The following TRIM2 variants were observed in gnomAD, a reference collection of about 807,000 sequenced individuals.
The protein encoded by TRIM2 is tripartite motif containing 2.
Under a neutral mutation model 75.2 loss-of-function variants are expected in TRIM2, and 20 were observed. The observed-to-expected ratio is 0.27, with a 90% CI of 0.19 to 0.39. TRIM2 has a LOEUF of 0.39. Among genes scored for constraint, TRIM2 ranks in the 10% least tolerant of loss-of-function variants. TRIM2 has a pLI of 1.00. For synonymous variants in TRIM2, 373 were observed against 388.3 expected (o/e 0.96, Z 0.46); for missense variants, 660 against 990.8 (o/e 0.67, Z 4.48).
intron 11 of TRIM2, among the ~76,000 whole-genome samples, chr4:153,331,579 T>C (rs1348612402): frequency 1.3e-5 from 2 of 152,106 alleles, no homozygotes; most frequent in African/African-American, 2.4e-5. Flanking sequence ...TTCAAATTAA[T>C]ATACAGGTTT....
intron 1 of TRIM2, among the ~76,000 whole-genome samples, chr4:153,165,377 C>A (rs941344387): frequency 1.3e-5 from 2 of 152,190 alleles, no homozygotes; most frequent in Non-Finnish European, 2.9e-5. Context: ...GTTGCCCAGG[C>A]TGGAGTGTAG....
rs77453932 is a variant in TRIM2, at chr4:153,264,514, G to A, written c.31-5821G>A. On this transcript the variant is annotated intron_variant, in intron 1 of 11. Transcript: ENST00000338700. ...GTGCACTGACTTCCACTGGTTATGT[G>A]GGTAAGAAGGGTCTCTGACAATTTA... Among the ~76,000 whole-genome samples the A allele has an allele frequency of 5.2e-3, 776 of 150,614 alleles. 5 individuals are homozygous for A. The highest frequency in any genetic ancestry group is 0.018 in the African/African-American group (733 of 41,494).
At chr4:153,152,416 A>ATATATGTATATATATATATG (rs1553955550), upstream of TRIM2, 2 of 145,956 alleles carry the variant, frequency 1.4e-5, no homozygotes, top group African/African-American at 5.0e-5. Context: ...GTGTATATAT[A>ATATATGTATATATATATATG]TATATATATA....
At chr4:153,271,972 G>T (rs988750475) in intron 2 of TRIM2, among the ~76,000 whole-genome samples, 1 of 152,106 alleles carries the variant, frequency 6.6e-6, no homozygotes, top group Non-Finnish European at 1.5e-5. Flanking sequence ...CACTCTGGCT[G>T]CCCTAGGTCT....
intron 1 of TRIM2, among the ~76,000 whole-genome samples, chr4:153,175,710 A>G (rs1383427500): frequency 6.6e-6 from 1 of 152,204 alleles, no homozygotes. Context: ...TATCTGAGAC[A>G]TGACAATTAA....
At chr4:153,241,336 G>A (rs1288458682) in intron 1 of TRIM2, among the ~76,000 whole-genome samples, 10 of 152,162 alleles carry the variant, frequency 6.6e-5, no homozygotes, top group South Asian at 2.1e-4. Context: ...CTTCCTCATC[G>A]CACATTGTTG....
At chr4:153,199,123 CG>C (rs1734061768) in intron 1 of TRIM2, among the ~76,000 whole-genome samples, 1 of 152,102 alleles carries the variant, frequency 6.6e-6, no homozygotes. Context: ...AAATAGGCCC[CG>C]GGGATATGTG....
intron 2 of TRIM2, among the ~76,000 whole-genome samples, chr4:153,273,783 A>C (rs1757434840): frequency 1.3e-5 from 2 of 152,194 alleles, no homozygotes; most frequent in South Asian, 4.1e-4. Context: ...GTATACAGGA[A>C]ACAATATAAT....
intron 1 of TRIM2, among the ~76,000 whole-genome samples, chr4:153,244,174 CTTCTT>C (rs1560872449): frequency 6.1e-5 from 9 of 147,658 alleles, no homozygotes; most frequent in African/African-American, 2.1e-4. Flanking sequence ...TCTTCTTCTT[CTTCTT>C]CTCCTCCTTC....
chr4:153,166,497 C>T (rs1350983607), intron 1 of TRIM2, among the ~76,000 whole-genome samples: 1 of 150,912 alleles, frequency 6.6e-6, no homozygotes, highest in Admixed American at 6.6e-5. Context: ...CCTTCCTTCC[C>T]TCCCTCCCTC....
intron 1 of TRIM2, among the ~76,000 whole-genome samples, chr4:153,179,470 T>C (rs1262275291): frequency 6.6e-6 from 1 of 152,126 alleles, no homozygotes; most frequent in East Asian, 1.9e-4. Context: ...CCCCAACTTT[T>C]TTCCTCTGTT....
chr4:153,299,813 C>A (rs2150162463), intron 6 of TRIM2, among the ~76,000 whole-genome samples: 1 of 152,286 alleles, frequency 6.6e-6, no homozygotes, highest in South Asian at 2.1e-4. Context: ...AAACTACTCA[C>A]CCCACCACTC....
At chr4:153,152,410 A>G (rs1488121947), upstream of TRIM2, 19 of 20,548 alleles carry the variant, frequency 9.2e-4, no homozygotes, top group Middle Eastern at 0.017. Context: ...ATATGTGTGT[A>G]TATATATATA....
At chr4:153,237,206 T>A (rs1037653800) in intron 1 of TRIM2, among the ~76,000 whole-genome samples, 16 of 152,198 alleles carry the variant, frequency 1.1e-4, no homozygotes, top group African/African-American at 3.9e-4. Flanking sequence ...TTCTTCTACA[T>A]GCAATTGGAG....
intron 1 of TRIM2, among the ~76,000 whole-genome samples, chr4:153,173,462 G>C (rs1429287590): frequency 6.6e-6 from 1 of 151,524 alleles, no homozygotes; most frequent in African/African-American, 2.4e-5. Context: ...AGGAGTTTGA[G>C]ACCAGCCTGG....
chr4:153,192,745 G>A (rs1304958316), intron 1 of TRIM2, among the ~76,000 whole-genome samples: 5 of 152,040 alleles, frequency 3.3e-5, no homozygotes, highest in South Asian at 4.1e-4. Context: ...AGGAGTCCCC[G>A]GGCCTTTGCA....
intron 1 of TRIM2, among the ~76,000 whole-genome samples, chr4:153,226,969 G>A (rs79599459): frequency 6.6e-6 from 1 of 152,172 alleles, no homozygotes; most frequent in African/African-American, 2.4e-5. Flanking sequence ...AAGTACAATA[G>A]CCTAAAAGGC....
chr4:153,324,172 G>A, intron 10 of TRIM2, 24 bp downstream of exon 10: 3 of 1,597,652 alleles, frequency 1.9e-6, no homozygotes, highest in South Asian at 2.3e-5. Context: ...ATGAGTTGTT[G>A]TTAACTTTTA....
At chr4:153,322,095 G>C (rs987003566) in intron 8 of TRIM2, among the ~76,000 whole-genome samples, 2 of 152,078 alleles carry the variant, frequency 1.3e-5, no homozygotes, top group Admixed American at 6.6e-5. Context: ...ACTATTTTTG[G>C]TGGTGATCTC....
Sources: gnomAD v4.1 joint callset for allele counts (sites outside exome capture counted in the v4.1 genomes callset) on GRCh38, gnomAD v4.1.1 for gene constraint, MANE v1.5 for transcripts, NCBI Gene and HGNC (gene_info 2026-07-23, HGNC 2026-07-21) for gene names.